The following HIP1 variants were observed in gnomAD, a reference collection of about 807,000 sequenced individuals.
HIP1 encodes huntingtin-interacting protein 1.
In HIP1, 65 loss-of-function variants were observed where a neutral mutation model predicts 147.6. The ratio of observed to expected loss-of-function variants is 0.44; its 90% CI spans 0.36 to 0.54. The LOEUF (loss-of-function observed/expected upper bound fraction) is 0.54. HIP1 is among the 20% of genes least tolerant of loss of function. The pLI is 0.00. For missense variants in HIP1, 1,061 were observed against 1,299.6 expected, an observed-to-expected ratio of 0.82 and a Z score of 2.82; for synonymous variants, 479 against 504.0, an observed-to-expected ratio of 0.95 and a Z score of 0.67.
At chr7:75,639,458 A>G (rs1488894556) in intron 1 of HIP1, among the ~76,000 whole-genome samples, 2 of 151,536 alleles carry the variant, frequency 1.3e-5, no homozygotes, top group East Asian at 3.9e-4. Flanking sequence ...CCGGGCTCGC[A>G]CGGCGAGGAT....
rs373498108 is a variant in HIP1, at chr7:75,581,332, C to T, written c.543-34G>A. ...AAGAGGAAAGAGAGCTTACACTCCA[C>T]AGCCTGAGGCCGGTCTGTTACCTGT... On this transcript the variant is annotated intron_variant, in intron 6 of 30. Coordinates refer to ENST00000336926, the MANE Select transcript of HIP1 (RefSeq NM_005338.7). The T allele has an allele frequency of 5.0e-5, 78 of 1,562,138 alleles. No homozygotes were observed. In the South Asian group the frequency reaches 5.6e-4, roughly 11 times the overall value.
intron 2 of HIP1, among the ~76,000 whole-genome samples, chr7:75,595,010 C>T (rs912056930): frequency 5.3e-5 from 8 of 152,146 alleles, no homozygotes; most frequent in African/African-American, 1.9e-4. Context: ...TCATTTAGGG[C>T]AGAAGGACTC....
chr7:75,672,499 G>C (rs1485881921), intron 1 of HIP1, among the ~76,000 whole-genome samples: 1 of 151,832 alleles, frequency 6.6e-6, no homozygotes, highest in African/African-American at 2.4e-5. Flanking sequence ...GTTAATTTCT[G>C]TATTTTTTTG....
At chr7:75,656,769 G>A (rs1466506622) in intron 1 of HIP1, among the ~76,000 whole-genome samples, 6 of 152,190 alleles carry the variant, frequency 3.9e-5, no homozygotes, top group East Asian at 1.9e-4. Context: ...GAGCCACTGC[G>A]CCTGGCTGAG....
intron 2 of HIP1, among the ~76,000 whole-genome samples, chr7:75,598,488 G>A (rs1796844741): frequency 6.6e-6 from 1 of 151,546 alleles, no homozygotes; most frequent in African/African-American, 2.4e-5. Context: ...AACCCCCAGG[G>A]GAGTGGTCCC....
At chr7:75,540,384 G>A (rs1335899065) in intron 29 of HIP1, among the ~76,000 whole-genome samples, 4 of 148,788 alleles carry the variant, frequency 2.7e-5, no homozygotes, top group South Asian at 2.1e-4. Flanking sequence ...AACCAAGATC[G>A]TGCCATTGTA....
In HIP1 at chr7:75,562,119, C is replaced by G; in HGVS notation, c.1072G>C (p.Asp358His). ...TTTTGACTGTTGAAATTGAAGGGAT[C>G]ACTGCTGAATGAACTGCCAAAGATG... ...DDIFGSSFSS[D>H]PFNFNSQNGV... The change falls in exon 12 of 31, where the codon GAT becomes CAT. Residue 358 changes from aspartate (D) to histidine (H), a missense_variant. By Grantham distance (81) the Asp-to-His change is moderately conservative. Transcript: ENST00000336926. The G allele has an allele frequency of 1.2e-6, 2 of 1,613,782 alleles. No individual in the cohort carries two copies. The highest frequency in any genetic ancestry group is 1.7e-6 in the Non-Finnish European group (2 of 1,179,710).
chr7:75,546,500 CGAA>C (rs1794569627), intron 25 of HIP1, among the ~76,000 whole-genome samples: 3 of 152,148 alleles, frequency 2.0e-5, no homozygotes, highest in Non-Finnish European at 4.4e-5. Context: ...TGTGAGACCA[CGAA>C]GTGGTGCGTT....
chr7:75,718,025 GTAA>G (rs1801376506), intron 1 of HIP1, among the ~76,000 whole-genome samples: 1 of 151,718 alleles, frequency 6.6e-6, no homozygotes, highest in Non-Finnish European at 1.5e-5. Flanking sequence ...GCTCACACCT[GTAA>G]TCCCAGCACA....
chr7:75,689,377 G>A (rs10248736), intron 1 of HIP1, among the ~76,000 whole-genome samples: 19,106 of 151,762 alleles, frequency 0.13, 1,309 homozygotes, highest in East Asian at 0.2. Flanking sequence ...ATGGGAGTGC[G>A]TCTGTAATCC....
intron 1 of HIP1, among the ~76,000 whole-genome samples, chr7:75,639,579 G>A (rs1167480604): frequency 6.0e-5 from 9 of 150,438 alleles, no homozygotes; most frequent in Admixed American, 5.9e-4. Flanking sequence ...GTGTGTGTGT[G>A]TGTGTGTGTG....
chr7:75,706,854 T>G, intron 1 of HIP1, among the ~76,000 whole-genome samples: 3 of 78,348 alleles, frequency 3.8e-5, no homozygotes, highest in Admixed American at 1.5e-4. Flanking sequence ...CATTGTTCAA[T>G]TCCCACCTAT....
intron 2 of HIP1, among the ~76,000 whole-genome samples, chr7:75,596,771 G>A (rs2696216): frequency 0.32 from 48,116 of 152,014 alleles, 8,759 homozygotes; most frequent in African/African-American, 0.51. Context: ...GAGTGAGCCC[G>A]AGAGTTCCAG....
At chr7:75,590,674 T>C (rs1030687423) in intron 4 of HIP1, among the ~76,000 whole-genome samples, 2 of 152,228 alleles carry the variant, frequency 1.3e-5, no homozygotes, top group Admixed American at 6.5e-5. Flanking sequence ...AAGTGTTATT[T>C]CTAAAACATA....
rs981972454 is a variant in HIP1, at chr7:75,537,164, T to C, written c.*1008A>G. The stretch of plus-strand genomic sequence containing the variant: ...TGATCTCACCAGCTCCATTCAAGCA[T>C]GTGATCAAGTTTTTGAGCCTCGTCA... On this transcript the variant is annotated 3_prime_UTR_variant, in exon 31 of 31. Coordinates refer to ENST00000336926, the MANE Select transcript of HIP1 (RefSeq NM_005338.7). The C allele has an allele frequency of 8.6e-6, 2 of 232,738 alleles. No individual in the cohort carries two copies. The highest frequency in any genetic ancestry group is 2.2e-5 in the African/African-American group (1 of 45,322). 14.4% of individuals were successfully genotyped at this position (232,738 alleles called of 1,614,324 possible). A position where few individuals can be genotyped will look rare whatever the true frequency, so the allele number is the denominator to read the frequency against.
At chr7:75,538,337 G>C in intron 30 of HIP1, 113 bp from the exon 31 acceptor site, 1 of 833,718 alleles carries the variant, frequency 1.2e-6, no homozygotes, top group Non-Finnish European at 2.1e-6. Flanking sequence ...TATAACCATG[G>C]TGTAATCACA....
In HIP1 at chr7:75,556,933, C is replaced by A. The variant is rs782035913; in HGVS notation, c.1582-122G>T. 5.0e-6 allele frequency: 3 copies of A among 600,810 alleles called. No homozygotes were observed. In the East Asian group the frequency reaches 8.5e-5, roughly 17 times the overall value. 37.2% of individuals were successfully genotyped at this position (600,810 alleles called of 1,614,324 possible). A position where few individuals can be genotyped will look rare whatever the true frequency, so the allele number is the denominator to read the frequency against. ...TAAACTCTACTGTATGTAAGTTACA[C>A]CCCCCCAAAAAAGTGCAGGGTGTGG... On this transcript the variant is annotated intron_variant, in intron 16 of 30. Transcript: ENST00000336926.
chr7:75,681,944 A>C (rs1319157645), intron 1 of HIP1, among the ~76,000 whole-genome samples: 3 of 151,836 alleles, frequency 2.0e-5, no homozygotes, highest in African/African-American at 4.8e-5. Context: ...CTGCTCATGG[A>C]AAGAGGTCAA....
chr7:75,650,782 C>A (rs1028732505), intron 1 of HIP1, among the ~76,000 whole-genome samples: 6 of 152,140 alleles, frequency 3.9e-5, no homozygotes, highest in African/African-American at 1.4e-4. Context: ...AGGCTGAGGG[C>A]AGGAAGTACC....
Sources: allele counts gnomAD v4.1 joint callset (sites outside exome capture counted in the v4.1 genomes callset), GRCh38; gene constraint gnomAD v4.1.1; transcripts MANE v1.5; gene names NCBI Gene and HGNC (gene_info 2026-07-23, HGNC 2026-07-21).